MON1A: variants seen among roughly 807,000 people sequenced by gnomAD.
The protein encoded by MON1A is vacuolar fusion protein MON1 homolog A.
MON1A carries 29 observed loss-of-function variants against 44.6 expected under a neutral mutation model. The ratio of observed to expected loss-of-function variants is 0.65; its 90% CI spans 0.48 to 0.89. The LOEUF is 0.89. Among genes scored for constraint, MON1A ranks in the 40% least tolerant of loss-of-function variants. The pLI is 0.00. For synonymous variants in MON1A, 275 were observed against 316.4 expected (o/e 0.87, Z 1.39); for missense variants, 615 against 759.6 (o/e 0.81, Z 2.24).
rs369861421 is a variant in MON1A, at chr3:49,910,814, C to T, written c.684G>A (p.Ser228=). The T allele has an allele frequency of 1.2e-5, 19 of 1,613,024 alleles. No homozygotes were observed. The highest frequency in any genetic ancestry group is 6.6e-5 in the South Asian group (6 of 91,076). The change falls in exon 4 of 6, where the codon TCG becomes TCA. Residue 228 remains serine (S), a synonymous_variant. Coordinates refer to ENST00000296473, the MANE Select transcript of MON1A (RefSeq NM_032355.4). This position sits in a 1 kb window ranked among gnomAD's most constrained non-coding sequence, Gnocchi z 8.0. ...VLVAVARTRQ[S]AQELAQELLY... is the part of the protein sequence containing the mutation. ...GCAGCTCCTGCGCCAGCTCTTGTGC[C>T]GACTGCCGCGTACGAGCCACCGCCA...
intron 1 of MON1A, among the ~76,000 whole-genome samples, chr3:49,921,489 G>C (rs1447238481): frequency 6.7e-6 from 1 of 150,012 alleles, no homozygotes; most frequent in Non-Finnish European, 1.5e-5. Flanking sequence ...AAGAAAAAAA[G>C]GCCGGGTGCA....
chr3:49,919,541 G>A (rs368817726), intron 1 of MON1A, among the ~76,000 whole-genome samples: 31 of 152,234 alleles, frequency 2.0e-4, no homozygotes, highest in African/African-American at 6.0e-4. Flanking sequence ...GTGCAGCAGC[G>A]CCATCTCCGC....
chr3:49,910,973 TC>T lies in MON1A; in HGVS notation c.614-90del. On this transcript the variant is annotated intron_variant, in intron 3 of 5. Transcript: ENST00000296473. The surrounding 1 kb of genome is among the most constrained non-coding windows in gnomAD (Gnocchi z 8.0). ...CCAGCGCAGCTCTTCGCTTTCCCCA[TC>T]CTTTCCTCGCTCAGAGCTCTGCGCA... 1.5e-6 allele frequency: 2 copies of T among 1,292,720 alleles called. No homozygotes were observed. The highest frequency in any genetic ancestry group is 4.8e-5 in the East Asian group (2 of 41,940). The allele number at this position is 1,292,720 out of a possible 1,614,324, so 80.1% of individuals were successfully genotyped here. A position where few individuals can be genotyped will look rare whatever the true frequency, so the allele number is the denominator to read the frequency against.
chr3:49,909,172 G>A lies in MON1A; in HGVS notation c.1528-18C>T, dbSNP rs1399038832. ...CCTGTCACCTGGAGAAGGGGCAAAG[G>A]GTCGTCATCTAGGTTAGAGGCCCCT... is the stretch of plus-strand genomic sequence containing the variant. On this transcript the variant is annotated intron_variant, in intron 5 of 5. Transcript: ENST00000296473. This position sits in a 1 kb window ranked among gnomAD's most constrained non-coding sequence, Gnocchi z 4.0. 1 of 1,609,882 alleles carries A rather than the reference G, an allele frequency of 6.2e-7. No individual in the cohort carries two copies. Among genetic ancestry groups the A allele is most frequent in the Admixed American group, 1.7e-5 (1 of 59,664 alleles).
Position 49,909,370 on chromosome 3 carries a change from T to C in MON1A, c.1410A>G (p.Glu470=). The C allele has an allele frequency of 6.2e-7, 1 of 1,614,082 alleles. No individual in the cohort carries two copies. Among genetic ancestry groups the C allele is most frequent in the Non-Finnish European group, 8.5e-7 (1 of 1,179,994 alleles). Residue 470 remains glutamate, a synonymous_variant, in exon 5 of 6, where the codon GAA becomes GAG. Coordinates refer to ENST00000296473, the MANE Select transcript of MON1A (RefSeq NM_032355.4). The surrounding 1 kb of genome is among the most constrained non-coding windows in gnomAD (Gnocchi z 4.0). ...SPEIEAPYTS[E]EEQERLLGLY... ...GGCCCAGCAGCCGCTCCTGCTCCTC[T>C]TCACTGGTGTATGGGGCCTCAATCT...
At chr3:49,921,823 A>G (rs1370990190) in intron 1 of MON1A, among the ~76,000 whole-genome samples, 10 of 151,248 alleles carry the variant, frequency 6.6e-5, no homozygotes, top group Non-Finnish European at 1.5e-5. Context: ...CTTCTCCCAG[A>G]GTTTTCACCA....
At chr3:49,913,159 C>T in intron 2 of MON1A, 61 bp downstream of exon 2, 2 of 1,606,356 alleles carry the variant, frequency 1.2e-6, no homozygotes, top group South Asian at 2.2e-5. Flanking sequence ...GTTGGGAATC[C>T]TAATTCCCCC....
chr3:49,918,123 G>A (rs532774559), intron 1 of MON1A, among the ~76,000 whole-genome samples: 105 of 152,018 alleles, frequency 6.9e-4, no homozygotes, highest in Non-Finnish European at 1.3e-3. Context: ...GATCACCTGA[G>A]GTCAGGAGTT....
At chr3:49,914,540 ATTTTT>A (rs35967703) in intron 1 of MON1A, among the ~76,000 whole-genome samples, 2 of 85,954 alleles carry the variant, frequency 2.3e-5, no homozygotes, top group Non-Finnish European at 4.4e-5. Context: ...CGCCTGCCTA[ATTTTT>A]TTTTTTTTTT....
intron 1 of MON1A, among the ~76,000 whole-genome samples, chr3:49,917,852 G>A (rs886296305): frequency 6.6e-6 from 1 of 151,742 alleles, no homozygotes; most frequent in African/African-American, 2.4e-5. Context: ...TTTGAGAACA[G>A]CCTGACCAAC....
intron 1 of MON1A, among the ~76,000 whole-genome samples, chr3:49,927,485 C>T (rs751979768): frequency 1.3e-5 from 2 of 152,180 alleles, no homozygotes; most frequent in Admixed American, 6.5e-5. Context: ...CCATGTAAAT[C>T]GGGCCTCTGA....
chr3:49,925,809 A>G (rs760312592), intron 1 of MON1A, among the ~76,000 whole-genome samples: 1 of 152,176 alleles, frequency 6.6e-6, no homozygotes, highest in Non-Finnish European at 1.5e-5. Flanking sequence ...CATGAAACAG[A>G]TTACTGATGT....
intron 1 of MON1A, among the ~76,000 whole-genome samples, chr3:49,922,117 A>T (rs1195574362): frequency 6.8e-6 from 1 of 147,108 alleles, no homozygotes; most frequent in Non-Finnish European, 1.5e-5. Flanking sequence ...AGCCTGGGCA[A>T]TAAGAGCAAA....
At chr3:49,921,401 G>A (rs1335655927) in intron 1 of MON1A, among the ~76,000 whole-genome samples, 8 of 150,088 alleles carry the variant, frequency 5.3e-5, no homozygotes, top group East Asian at 2.1e-4. Context: ...CTCATGATCC[G>A]CCTGCCTCAG....
rs910587626 is a variant in MON1A at position 49,909,482 on chromosome 3, A to G, written c.1380-82T>C. 52 of 1,550,620 alleles carry G rather than the reference A, an allele frequency of 3.4e-5. No homozygotes were observed. Among genetic ancestry groups the G allele is most frequent in the Non-Finnish European group, 4.0e-5 (46 of 1,139,432 alleles). ...TAGAGATTTAGAAACACCTATTCCTATCCAGGAAGACTCTATCTTATGTCC... is the reference window on the plus strand; with the variant it reads ...TAGAGATTTAGAAACACCTATTCCTGTCCAGGAAGACTCTATCTTATGTCC... On this transcript the variant is annotated intron_variant, in intron 4 of 5. Coordinates refer to ENST00000296473, the MANE Select transcript of MON1A (RefSeq NM_032355.4). The surrounding 1 kb of genome is among the most constrained non-coding windows in gnomAD (Gnocchi z 4.0).
chr3:49,922,505 GGGAAGGAGGGAGGGAGAGAA>G lies in MON1A; in HGVS notation c.-14+7084_-14+7103del, dbSNP rs1397486577. Among the ~76,000 whole-genome samples, 61 of 140,252 alleles carry G rather than the reference GGGAAGGAGGGAGGGAGAGAA, an allele frequency of 4.3e-4. 1 individual carries two copies. The South Asian group carries it at 0.015, about 35-fold the overall frequency. 92.0% of individuals were successfully genotyped at this position (140,252 alleles called of 152,430 possible). ...AAGGGAGGAAGGAAGGAAGGAAGGA[GGGAAGGAGGGAGGGAGAGAA>G]GGAAGGAGGGAGGGAGGGAGGGAGG... On this transcript the variant is annotated intron_variant, in intron 1 of 5. Coordinates refer to ENST00000296473, the MANE Select transcript of MON1A (RefSeq NM_032355.4).
chr3:49,920,122 C>T (rs767099900), intron 1 of MON1A, among the ~76,000 whole-genome samples: 3 of 152,222 alleles, frequency 2.0e-5, no homozygotes, highest in Non-Finnish European at 4.4e-5. Context: ...AACAGAATCT[C>T]ACCTCCATTA....
intron 2 of MON1A, 88 bp downstream of exon 2, chr3:49,913,132 G>T (rs2082906298): frequency 2.6e-6 from 4 of 1,561,980 alleles, no homozygotes; most frequent in Non-Finnish European, 3.5e-6. Flanking sequence ...GCATGAATAA[G>T]TGGAAAGGAA....
chr3:49,928,319 AC>A (rs1372216066), intron 1 of MON1A, among the ~76,000 whole-genome samples: 6 of 152,004 alleles, frequency 3.9e-5, no homozygotes, highest in Non-Finnish European at 7.4e-5. Flanking sequence ...AGCAAAATCC[AC>A]CCCAACCCCC....
Sources: gnomAD v4.1 joint callset for allele counts (sites outside exome capture counted in the v4.1 genomes callset) on GRCh38, gnomAD v4.1.1 for gene constraint, Gnocchi (gnomAD v3.1) non-coding constraint, MANE v1.5 for transcripts, NCBI Gene and HGNC (gene_info 2026-07-23, HGNC 2026-07-21) for gene names.